The following RESP18 variants were observed in gnomAD, a reference collection of about 807,000 sequenced individuals.
RESP18 encodes the protein regulated endocrine-specific protein 18.
RESP18 carries 30 observed loss-of-function variants against 30.0 expected under a neutral mutation model. The observed-to-expected ratio is 1.00, with a 90% CI of 0.75 to 1.36. RESP18 has a LOEUF of 1.36. RESP18 is among the 40% of genes most tolerant of loss of function. RESP18 has a pLI of 0.00. For missense variants in RESP18, 320 were observed against 284.2 expected, an observed-to-expected ratio of 1.13 and a Z score of -0.91; for synonymous variants, 117 against 111.2, an observed-to-expected ratio of 1.05 and a Z score of -0.33.
rs1040085372 is a variant in RESP18 at position 219,329,709 on chromosome 2, A to T, written c.393T>A (p.His131Gln). 1 of 1,551,670 alleles carries T rather than the reference A, an allele frequency of 6.4e-7. No homozygotes were observed. The highest frequency in any genetic ancestry group is 2.4e-5 in the East Asian group (1 of 40,922). Residue 131 changes from histidine (H) to glutamine (Q), a missense_variant, in exon 4 of 7, where the codon CAT becomes CAA. By Grantham distance (24) the His-to-Gln change is conservative. Coordinates refer to ENST00000333527, the MANE Select transcript of RESP18 (RefSeq NM_001007089.4). The stretch of plus-strand genomic sequence containing the variant: ...GTTCTTGGGGATGCAGTCTGCTGGC[A>T]TGCTCCATCTTTTGGATCATTGCAT...
chr2:219,329,405 C>G, intron 4 of RESP18, 153 bp from the exon 4 acceptor site: 1 of 1,551,060 alleles, frequency 6.4e-7, no homozygotes, highest in Non-Finnish European at 8.7e-7. Flanking sequence ...TCTCCTCTTG[C>G]TAGAAGAGAC....
chr2:219,330,912 C>T (rs1270776750), intron 2 of RESP18, 37 bp from the exon 2 acceptor site: 3 of 1,215,164 alleles, frequency 2.5e-6, no homozygotes, highest in Admixed American at 4.0e-5. Context: ...AGGAACCTGG[C>T]CAGAGCCTTC....
chr2:219,328,283 C>T (rs1345774071), intron 6 of RESP18, among the ~76,000 whole-genome samples: 1 of 152,194 alleles, frequency 6.6e-6, no homozygotes, highest in Non-Finnish European at 1.5e-5. Context: ...GGGCCTAATT[C>T]TCCACCCTCA....
chr2:219,332,546 GC>G lies in RESP18; in HGVS notation c.209del (p.Gly70AlafsTer14). 1.3e-6 allele frequency: 2 copies of G among 1,551,098 alleles called. No individual in the cohort carries two copies. The highest frequency in any genetic ancestry group is 1.7e-6 in the Non-Finnish European group (2 of 1,146,908). On this transcript the variant is annotated frameshift_variant, in exon 2 of 7. Transcript: ENST00000333527. LOFTEE classifies it high-confidence loss of function. ...GACCGTGGGCACTAGTGTCGCTGCA[GC>G]CCCCCGGGCAGCTGTTCAGCAGCAG...
In RESP18 at chr2:219,327,427, A is replaced by ATT. The variant is rs1360528102; in HGVS notation, c.*89_*90insAA. ...CAGTGTTTGCATGAGAGTCTACTTT[A>ATT]ATGATTCAAATCTGGGTCATCCAAG... On this transcript the variant is annotated 3_prime_UTR_variant, in exon 7 of 7. Coordinates refer to ENST00000333527, the MANE Select transcript of RESP18 (RefSeq NM_001007089.4). 1.7e-6 allele frequency: 2 copies of ATT among 1,181,590 alleles called. No homozygotes were observed. The highest frequency in any genetic ancestry group is 5.1e-5 in the East Asian group (2 of 39,166). 73.2% of individuals were successfully genotyped at this position (1,181,590 alleles called of 1,614,324 possible).
At chr2:219,330,974 CT>C (rs1952824896) in intron 2 of RESP18, 99 bp from the exon 2 acceptor site, 1 of 727,470 alleles carries the variant, frequency 1.4e-6, no homozygotes, top group Middle Eastern at 2.3e-4. Context: ...TCCTGGACCC[CT>C]GACCTCTGTT....
chr2:219,329,095 T>C (rs1952803219), intron 5 of RESP18, 68 bp downstream of exon 4: 2 of 1,482,564 alleles, frequency 1.3e-6, no homozygotes, highest in East Asian at 2.5e-5. Flanking sequence ...CAATGCCCAT[T>C]CCCTTCTTCC....
chr2:219,331,772 A>G (rs553209832), intron 2 of RESP18, among the ~76,000 whole-genome samples: 1 of 152,088 alleles, frequency 6.6e-6, no homozygotes, highest in African/African-American at 2.4e-5. Context: ...AGAGGTGGGG[A>G]GGCCAGCGTG....
At chr2:219,332,261 T>C (rs1325184658) in intron 2 of RESP18, among the ~76,000 whole-genome samples, 1 of 152,152 alleles carries the variant, frequency 6.6e-6, no homozygotes, top group East Asian at 1.9e-4. Context: ...GTTTTACCTC[T>C]CTCTGTTCAT....
intron 6 of RESP18, 34 bp downstream of exon 5, chr2:219,328,890 C>T (rs1448594091): frequency 1.1e-5 from 15 of 1,380,364 alleles, no homozygotes; most frequent in Non-Finnish European, 1.2e-5. Flanking sequence ...GAAAACTCTG[C>T]TGTTTCAATG....
intron 3 of RESP18, among the ~76,000 whole-genome samples, 173 bp downstream of exon 2, chr2:219,330,598 A>C (rs1164911939): frequency 4.3e-4 from 62 of 143,854 alleles, no homozygotes; most frequent in Non-Finnish European, 2.2e-4. Flanking sequence ...CAAATAGTCC[A>C]CCCATCCAGA....
chr2:219,332,407 C>T (rs568775147), intron 2 of RESP18, 117 bp downstream of exon 1: 11 of 733,794 alleles, frequency 1.5e-5, no homozygotes, highest in Non-Finnish European at 2.2e-5. Context: ...TCTCTTCTCA[C>T]GTCCTTAAGC....
In RESP18 at chr2:219,332,505, C is replaced by A; in HGVS notation, c.232+19G>T. On this transcript the variant is annotated intron_variant, in intron 2 of 6. Coordinates refer to ENST00000333527, the MANE Select transcript of RESP18 (RefSeq NM_001007089.4). ...TCGCTTTCTTGGCCCTGCCCGCACC[C>A]CCCAGGGTTCCTCCTGACCGTGGGC... The A allele has an allele frequency of 6.5e-7, 1 of 1,542,290 alleles. No individual in the cohort carries two copies. Among genetic ancestry groups the A allele is most frequent in the Non-Finnish European group, 8.8e-7 (1 of 1,140,406 alleles).
At chr2:219,330,530 G>GTTTTTTT (rs142399935) in intron 3 of RESP18, among the ~76,000 whole-genome samples, 2 of 136,648 alleles carry the variant, frequency 1.5e-5, no homozygotes, top group Non-Finnish European at 1.5e-5. Context: ...GCCGTTTTCA[G>GTTTTTTT]TTTTGTTTTT....
At chr2:219,328,467 G>A (rs1462814889) in intron 6 of RESP18, among the ~76,000 whole-genome samples, 1 of 151,720 alleles carries the variant, frequency 6.6e-6, no homozygotes, top group Non-Finnish European at 1.5e-5. Flanking sequence ...TTTTTTCAGT[G>A]TGGAGGAGTC....
intron 6 of RESP18, among the ~76,000 whole-genome samples, 180 bp from the exon 6 acceptor site, chr2:219,327,743 A>G (rs935566256): frequency 1.3e-5 from 2 of 152,128 alleles, no homozygotes; most frequent in Non-Finnish European, 2.9e-5. Flanking sequence ...CTGTCTCTCC[A>G]TGGTTTGCCC....
intron 6 of RESP18, 84 bp downstream of exon 5, chr2:219,328,840 A>G (rs925279540): frequency 2.8e-5 from 22 of 790,602 alleles, no homozygotes; most frequent in Admixed American, 4.5e-5. Context: ...ATCATGTGCT[A>G]TATACAAGGG....
chr2:219,332,720 C>A lies in RESP18; in HGVS notation c.36G>T (p.Trp12Cys), dbSNP rs769751117. The stretch of plus-strand genomic sequence containing the variant: ...GGCTGAGCGGGGCTGCAGCTTCCCA[C>A]CAGCCCGCGACTCCGAATCTGTTTA... Residue 12 changes from tryptophan to cysteine, a missense_variant, in exon 2 of 7, where the codon TGG becomes TGT. Physicochemically the swap from Trp to Cys is radical, Grantham distance 215 (BLOSUM62 -2). Coordinates refer to ENST00000333527, the MANE Select transcript of RESP18 (RefSeq NM_001007089.4). 2 of 1,546,554 alleles carry A rather than the reference C, an allele frequency of 1.3e-6. No homozygotes were observed. Among genetic ancestry groups the A allele is most frequent in the Admixed American group, 2.0e-5 (1 of 50,822 alleles).
rs750455831 is a variant in RESP18, at chr2:219,329,002, A to G, written c.562T>C (p.Tyr188His). The G allele has an allele frequency of 1.9e-6, 3 of 1,549,668 alleles. No individual in the cohort carries two copies. The highest frequency in any genetic ancestry group is 2.6e-6 in the Non-Finnish European group (3 of 1,145,034). The change falls in exon 6 of 7, where the codon TAT (tyrosine) becomes CAT (histidine). Residue 188 changes from tyrosine to histidine, a missense_variant. Coordinates refer to ENST00000333527, the MANE Select transcript of RESP18 (RefSeq NM_001007089.4). ...TCCAGCCCCCCATATGAACACCTAT[A>G]GGTAATCTGAGAGATACAGGAAATT...
Sources: gnomAD v4.1 joint callset for allele counts (sites outside exome capture counted in the v4.1 genomes callset) on GRCh38, gnomAD v4.1.1 for gene constraint, MANE v1.5 for transcripts, NCBI Gene and HGNC (gene_info 2026-07-23, HGNC 2026-07-21) for gene names.